The following WDFY4 variants were observed in gnomAD, a reference collection of about 807,000 sequenced individuals.
WDFY4 encodes WD repeat- and FYVE domain-containing protein 4.
WDFY4 carries 169 observed loss-of-function variants against 351.9 expected under a neutral mutation model. That is an observed-to-expected ratio of 0.48 (90% CI 0.42 to 0.55). The LOEUF (loss-of-function observed/expected upper bound fraction) is 0.55, where lower values mean the gene tolerates loss of function less well. Ranked by LOEUF, WDFY4 falls within the 20% of genes least tolerant of loss-of-function variation. The pLI is 0.00. For synonymous variants in WDFY4, 1,622 were observed against 1,574.6 expected, an observed-to-expected ratio of 1.03 and a Z score of -0.71; for missense variants, 3,803 against 3,935.6, an observed-to-expected ratio of 0.97 and a Z score of 0.90.
In WDFY4 at chr10:48,742,999, G is replaced by C; in HGVS notation, c.1910G>C (p.Gly637Ala). Residue 637 changes from glycine to alanine, a missense_variant, in exon 12 of 62, where the codon GGT (glycine) becomes GCT (alanine). Around this residue, in one of 3 missense-constraint regions of WDFY4, gnomAD observed 261 missense variants for 330.2 expected, o/e 0.79. Coordinates refer to ENST00000325239, the MANE Select transcript of WDFY4 (RefSeq NM_001394531.1). Reference sequence around the variant, plus strand: ...CTCCGGATCCTGGTGACCCCCAAGGGTCGTGCTGCCTTCAGAGTCTCCAGC... The same window carrying C: ...CTCCGGATCCTGGTGACCCCCAAGGCTCGTGCTGCCTTCAGAGTCTCCAGC... ...SLLRILVTPK[G>A]RAAFRVSSGF... 6.4e-7 allele frequency: 1 copy of C among 1,550,504 alleles called. No homozygotes were observed.
At chr10:48,895,651 A>G (rs951835227) in intron 44 of WDFY4, among the ~76,000 whole-genome samples, 5 of 152,236 alleles carry the variant, frequency 3.3e-5, no homozygotes, top group Non-Finnish European at 7.3e-5. Flanking sequence ...CAGATGATGA[A>G]AAGCTTCATA....
At chr10:48,739,932 C>T (rs957073408) in intron 11 of WDFY4, among the ~76,000 whole-genome samples, 8 of 152,068 alleles carry the variant, frequency 5.3e-5, no homozygotes, top group Non-Finnish European at 8.8e-5. Context: ...AATTGGACAA[C>T]TGAATTGGGA....
chr10:48,787,898 TTC>T (rs1565198526), intron 20 of WDFY4, among the ~76,000 whole-genome samples: 661 of 29,364 alleles, frequency 0.023, 49 homozygotes, highest in African/African-American at 0.055. Context: ...CTTCTCCTTC[TTC>T]TTCTTCTTCT....
intron 52 of WDFY4, 31 bp from the exon 53 acceptor site, chr10:48,959,691 C>G: frequency 6.5e-7 from 1 of 1,542,644 alleles, no homozygotes; most frequent in Non-Finnish European, 8.8e-7. Context: ...TTTGAGTTAC[C>G]CAAATCTCTG....
intron 39 of WDFY4, among the ~76,000 whole-genome samples, chr10:48,852,580 T>C (rs186404596): frequency 6.6e-6 from 1 of 152,306 alleles, no homozygotes; most frequent in East Asian, 1.9e-4. Flanking sequence ...CTGTTCAAGA[T>C]GCTGCTCAGC....
At chr10:48,959,645 C>A in intron 52 of WDFY4, 77 bp from the exon 53 acceptor site, 1 of 1,294,794 alleles carries the variant, frequency 7.7e-7, no homozygotes, top group Non-Finnish European at 1.1e-6. Context: ...CAATCCTGGG[C>A]AATGTGTATT....
At chr10:48,871,778 G>A (rs1021841002) in intron 40 of WDFY4, among the ~76,000 whole-genome samples, 1 of 152,126 alleles carries the variant, frequency 6.6e-6, no homozygotes, top group Non-Finnish European at 1.5e-5. Flanking sequence ...TGTACATCTT[G>A]GAGTTTCTTA....
At chr10:48,884,209 T>C (rs2070366868) in intron 43 of WDFY4, 2 of 152,200 alleles carry the variant, frequency 1.3e-5, no homozygotes, top group African/African-American at 4.8e-5. Flanking sequence ...CATTTTCCTC[T>C]GGATTGCAGA....
At chr10:48,698,667 T>C (rs984779972) in intron 1 of WDFY4, among the ~76,000 whole-genome samples, 1 of 152,216 alleles carries the variant, frequency 6.6e-6, no homozygotes, top group Non-Finnish European at 1.5e-5. Flanking sequence ...TGCCTCATGC[T>C]TCTAAGAAGG....
intron 24 of WDFY4, chr10:48,802,621 G>A (rs1346188549): frequency 1.5e-5 from 7 of 454,240 alleles, no homozygotes; most frequent in Non-Finnish European, 3.2e-5. Flanking sequence ...GCCCCAGAAG[G>A]ATCACTAGCA....
At chr10:48,963,737 G>C in intron 53 of WDFY4, 105 bp from the exon 54 acceptor site, 2 of 1,265,046 alleles carry the variant, frequency 1.6e-6, no homozygotes, top group African/African-American at 1.5e-5. Flanking sequence ...TATCTCCTCT[G>C]TGCAGGGCCA....
intron 12 of WDFY4, among the ~76,000 whole-genome samples, chr10:48,751,112 T>C (rs1461613079): frequency 2.0e-5 from 3 of 152,160 alleles, no homozygotes; most frequent in African/African-American, 7.2e-5. Flanking sequence ...AGTAGAGACA[T>C]GAATGGAGCA....
chr10:48,872,901 G>T (rs1351905835), intron 40 of WDFY4, among the ~76,000 whole-genome samples: 1 of 152,182 alleles, frequency 6.6e-6, no homozygotes, highest in Non-Finnish European at 1.5e-5. Context: ...ATGACATTAG[G>T]ATTGAAAGGC....
intron 20 of WDFY4, 70 bp downstream of exon 20, chr10:48,786,940 G>A: frequency 1.5e-6 from 2 of 1,361,696 alleles, no homozygotes; most frequent in East Asian, 2.5e-5. Context: ...GTTATTTGTA[G>A]CAGATTTGCA....
rs1290452816 is a variant in WDFY4, at chr10:48,978,358, G to A, written c.9341G>A (p.Gly3114Glu). ...VKMSVPGRPA[G>E]EEPPAQPPSP... ...ATGTCTGTTCCTGGACGGCCAGCAG[G>A]AGAGGAGCCCCCGGCTCAGCCTCCA... The change falls in exon 60 of 62, where the codon GGA (glycine) becomes GAA (glutamate). Residue 3114 changes from glycine (G) to glutamate (E), a missense_variant. Coordinates refer to ENST00000325239, the MANE Select transcript of WDFY4 (RefSeq NM_001394531.1). 1.3e-6 allele frequency: 2 copies of A among 1,551,478 alleles called. No individual in the cohort carries two copies. Among genetic ancestry groups the A allele is most frequent in the South Asian group, 1.2e-5 (1 of 84,052 alleles).
intron 39 of WDFY4, among the ~76,000 whole-genome samples, chr10:48,858,960 G>T (rs1282093274): frequency 2.0e-5 from 3 of 151,980 alleles, no homozygotes; most frequent in Non-Finnish European, 4.4e-5. Flanking sequence ...TTATTTTCAA[G>T]AAATTGACAA....
chr10:48,860,315 C>G (rs1325857267), intron 39 of WDFY4, among the ~76,000 whole-genome samples: 3 of 152,206 alleles, frequency 2.0e-5, no homozygotes, highest in Admixed American at 6.5e-5. Context: ...TTACTACCCA[C>G]AGGCTGGCTT....
chr10:48,786,512 G>GT (rs139400997), intron 19 of WDFY4, 127 bp from the exon 20 acceptor site: 193,224 of 734,938 alleles, frequency 0.26, 31,011 homozygotes, highest in East Asian at 0.7. Flanking sequence ...TTATATTTTA[G>GT]TTTTTTAGAT....
rs1171929090 is a variant in WDFY4 at position 48,897,527 on chromosome 10, A to G, written c.7390A>G (p.Ser2464Gly). ...STDHYSCQCH[S>G]YADMRELRQA... ...TGACCATTACTCGTGCCAGTGCCAC[A>G]GCTACGCTGACATGCGGGAGCTACG... The change falls in exon 45 of 62, where the codon AGC becomes GGC. Residue 2464 changes from serine to glycine, a missense_variant. Around this residue, in one of 3 missense-constraint regions of WDFY4, gnomAD observed 3,054 missense variants for 3,148.6 expected, o/e 0.97. Transcript: ENST00000325239. 6.4e-7 allele frequency: 1 copy of G among 1,551,140 alleles called. No individual in the cohort carries two copies. Among genetic ancestry groups the G allele is most frequent in the South Asian group, 1.2e-5 (1 of 84,066 alleles).
Sources: allele counts gnomAD v4.1 joint callset (sites outside exome capture counted in the v4.1 genomes callset), GRCh38; gene constraint gnomAD v4.1.1; regional missense constraint gnomAD v4.1.1; transcripts MANE v1.5; gene names NCBI Gene and HGNC (gene_info 2026-07-23, HGNC 2026-07-21).